Variants in TRHDE observed in about 807,000 individuals in gnomAD.
TRHDE encodes thyrotropin-releasing hormone-degrading ectoenzyme.
A neutral mutation model predicts 125.7 loss-of-function variants in TRHDE; 72 were observed. That is an observed-to-expected ratio of 0.57 (90% confidence interval 0.47 to 0.70). The LOEUF (loss-of-function observed/expected upper bound fraction) is 0.70, where lower values mean the gene tolerates loss of function less well. Ranked by LOEUF, TRHDE falls within the 30% of genes least tolerant of loss-of-function variation. The pLI is 0.00. For synonymous variants in TRHDE, 509 were observed against 509.1 expected, an observed-to-expected ratio of 1.00 and a Z score of 0.00; for missense variants, 1,110 against 1,327.1, an observed-to-expected ratio of 0.84 and a Z score of 2.54.
At chr12:72,320,602 T>C (rs1869042460) in intron 2 of TRHDE, among the ~76,000 whole-genome samples, 1 of 150,796 alleles carries the variant, frequency 6.6e-6, no homozygotes, top group Admixed American at 6.6e-5. Flanking sequence ...CAGAATTGCG[T>C]TGGCTCTTCT....
intron 10 of TRHDE, among the ~76,000 whole-genome samples, chr12:72,573,793 G>A (rs978984852): frequency 6.6e-6 from 1 of 151,866 alleles, no homozygotes; most frequent in Non-Finnish European, 1.5e-5. Context: ...ATAGAATATA[G>A]CATAGTAAAA....
At chr12:72,145,515 A>C (rs1004021475) in intron 2 of TRHDE, among the ~76,000 whole-genome samples, 2 of 152,164 alleles carry the variant, frequency 1.3e-5, no homozygotes, top group Admixed American at 1.3e-4. Context: ...TTTTCTTAGG[A>C]TATGTCTCTT....
At chr12:72,502,705 T>A (rs1393317998) in intron 6 of TRHDE, among the ~76,000 whole-genome samples, 1 of 152,302 alleles carries the variant, frequency 6.6e-6, no homozygotes, top group South Asian at 2.1e-4. Context: ...TTCTGTATCC[T>A]TATTGATTTT....
intron 5 of TRHDE, among the ~76,000 whole-genome samples, chr12:72,476,023 C>T (rs627326): frequency 0.38 from 56,923 of 151,720 alleles, 12,785 homozygotes; most frequent in African/African-American, 0.62. Context: ...TTCAAGTGAT[C>T]CTCATGCCTC....
At chr12:72,316,431 T>G (rs918017773) in intron 2 of TRHDE, among the ~76,000 whole-genome samples, 1 of 152,150 alleles carries the variant, frequency 6.6e-6, no homozygotes, top group Non-Finnish European at 1.5e-5. Flanking sequence ...AGTCATATGC[T>G]TATGTCCCAG....
chr12:72,318,049 C>T lies in TRHDE; in HGVS notation c.1188+31095C>T, dbSNP rs74511489. Among the ~76,000 whole-genome samples the T allele has an allele frequency of 1.8e-4, 28 of 152,190 alleles. No homozygotes were observed. In the East Asian group the frequency reaches 3.5e-3, roughly 19 times the overall value. ...AAGAGAATTATGACTAGAGGCAGTA[C>T]AGCACAGCAGTGTTAATGTCCTTTA... On this transcript the variant is annotated intron_variant, in intron 2 of 18. Transcript: ENST00000261180.
Position 72,225,818 on chromosome 12 carries a change from G to A in TRHDE, n.279+120066G>A, listed in dbSNP as rs569527725. 5.7e-4 allele frequency among the ~76,000 whole-genome samples: 87 copies of A among 152,276 alleles called. 4 individuals carry two copies. In the South Asian group the frequency reaches 0.017, roughly 30 times the overall value. Reference sequence around the variant, plus strand: ...CCAGGAAAAGAAAGGCTAGGTGTTTGTATTTTTCCCAGGGGTTGGAGAAAT... The same window carrying A: ...CCAGGAAAAGAAAGGCTAGGTGTTTATATTTTTCCCAGGGGTTGGAGAAAT... On this transcript the variant is annotated intron_variant and non_coding_transcript_variant, in intron 2 of 4. Coordinates refer to the TRHDE transcript ENST00000548156.
At chr12:72,197,864 G>A (rs765570404) in intron 2 of TRHDE, among the ~76,000 whole-genome samples, 59 of 151,410 alleles carry the variant, frequency 3.9e-4, no homozygotes, top group African/African-American at 1.0e-3. Flanking sequence ...CTCTATTATC[G>A]TACCCTATAT....
chr12:72,380,689 C>T (rs1872101073), intron 3 of TRHDE, among the ~76,000 whole-genome samples: 1 of 151,106 alleles, frequency 6.6e-6, no homozygotes, highest in South Asian at 2.1e-4. Flanking sequence ...GGACCGCCAG[C>T]AGGCTGCAGC....
chr12:72,658,442 C>T (rs1874790722), intron 18 of TRHDE, among the ~76,000 whole-genome samples: 1 of 152,108 alleles, frequency 6.6e-6, no homozygotes, highest in Non-Finnish European at 1.5e-5. Flanking sequence ...TTCCTTCGTT[C>T]TCTGTGCTTC....
At chr12:72,549,023 T>C (rs1869551108) in intron 7 of TRHDE, among the ~76,000 whole-genome samples, 1 of 151,914 alleles carries the variant, frequency 6.6e-6, no homozygotes, top group Non-Finnish European at 1.5e-5. Flanking sequence ...ATTTAACTGC[T>C]CTTTTCCATA....
At chr12:72,606,114 A>G (rs1346044110) in intron 12 of TRHDE, among the ~76,000 whole-genome samples, 1 of 152,174 alleles carries the variant, frequency 6.6e-6, no homozygotes, top group Non-Finnish European at 1.5e-5. Flanking sequence ...TGATTTAAAC[A>G]CATGATTCAG....
At chr12:72,421,990 T>C (rs903618412) in intron 3 of TRHDE, among the ~76,000 whole-genome samples, 5 of 152,196 alleles carry the variant, frequency 3.3e-5, no homozygotes, top group African/African-American at 1.2e-4. Context: ...TCTACCTTTA[T>C]TCCTTAATAT....
chr12:72,183,398 C>T (rs1164722452), intron 2 of TRHDE, among the ~76,000 whole-genome samples: 1 of 152,190 alleles, frequency 6.6e-6, no homozygotes, highest in Non-Finnish European at 1.5e-5. Flanking sequence ...TTCTCTCGAA[C>T]ACTAGTTCAT....
At chr12:72,253,066 C>T (rs901904397) in intron 2 of TRHDE, among the ~76,000 whole-genome samples, 1 of 151,972 alleles carries the variant, frequency 6.6e-6, no homozygotes, top group African/African-American at 2.4e-5. Context: ...TGTTCAACAT[C>T]ATTTTGTTAT....
intron 10 of TRHDE, among the ~76,000 whole-genome samples, chr12:72,573,145 T>C (rs1385311068): frequency 6.6e-6 from 1 of 151,850 alleles, no homozygotes; most frequent in Non-Finnish European, 1.5e-5. Flanking sequence ...GTTGCTAAGG[T>C]TTTTACAATA....
chr12:72,538,496 C>T (rs1053898465), intron 6 of TRHDE, among the ~76,000 whole-genome samples: 6 of 151,882 alleles, frequency 4.0e-5, no homozygotes, highest in Admixed American at 1.3e-4. Flanking sequence ...AACAATTATA[C>T]GATTCTGTTT....
At chr12:72,494,879 T>G (rs564232663) in intron 5 of TRHDE, among the ~76,000 whole-genome samples, 1 of 152,118 alleles carries the variant, frequency 6.6e-6, no homozygotes, top group East Asian at 1.9e-4. Flanking sequence ...TGTCAAAAGA[T>G]TTTTAGCACT....
intron 2 of TRHDE, among the ~76,000 whole-genome samples, chr12:72,217,650 A>G (rs1877919582): frequency 6.6e-6 from 1 of 152,186 alleles, no homozygotes; most frequent in Non-Finnish European, 1.5e-5. Flanking sequence ...AACAGTGCAT[A>G]TACATTTAAA....
Sources: gnomAD v4.1 joint callset for allele counts (sites outside exome capture counted in the v4.1 genomes callset) on GRCh38, gnomAD v4.1.1 for gene constraint, MANE v1.5 for transcripts, NCBI Gene and HGNC (gene_info 2026-07-23, HGNC 2026-07-21) for gene names.